The following GRIA4 variants were observed in gnomAD, a reference collection of about 807,000 sequenced individuals.
The protein encoded by GRIA4 is glutamate ionotropic receptor AMPA type subunit 4.
A neutral mutation model predicts 104.0 loss-of-function variants in GRIA4; 34 were observed. The observed-to-expected ratio is 0.33, with a 90% CI of 0.25 to 0.44. GRIA4 has a LOEUF of 0.44. Ranked by LOEUF, GRIA4 falls within the 20% of genes least tolerant of loss-of-function variation. The pLI, the probability that GRIA4 is intolerant of heterozygous loss-of-function variation, is 1.00. For missense variants in GRIA4, 750 were observed against 1,096.5 expected (o/e 0.68, Z 4.46); for synonymous variants, 386 against 381.9 (o/e 1.01, Z -0.13).
At chr11:105,876,013 C>T (rs1229263018) in intron 5 of GRIA4, among the ~76,000 whole-genome samples, 2 of 151,976 alleles carry the variant, frequency 1.3e-5, no homozygotes, top group Non-Finnish European at 2.9e-5. Context: ...GTTAGGGTGT[C>T]GATTTTAGAT....
At chr11:105,746,084 C>G (rs1173711527) in intron 3 of GRIA4, among the ~76,000 whole-genome samples, 1 of 151,782 alleles carries the variant, frequency 6.6e-6, no homozygotes, top group South Asian at 2.1e-4. Context: ...GATACGTTTG[C>G]TACATGTCTA....
At chr11:105,725,201 T>C (rs1321163117) in intron 3 of GRIA4, among the ~76,000 whole-genome samples, 1 of 152,186 alleles carries the variant, frequency 6.6e-6, no homozygotes, top group African/African-American at 2.4e-5. Flanking sequence ...TATTAGCTAT[T>C]TCTCATCATC....
intron 4 of GRIA4, among the ~76,000 whole-genome samples, chr11:105,813,374 C>T (rs1347642356): frequency 6.6e-6 from 1 of 152,072 alleles, no homozygotes; most frequent in Non-Finnish European, 1.5e-5. Context: ...GAAATATTTT[C>T]AGGAATTGAA....
At chr11:105,745,966 C>A (rs73630131) in intron 3 of GRIA4, among the ~76,000 whole-genome samples, 1 of 151,970 alleles carries the variant, frequency 6.6e-6, no homozygotes, top group Non-Finnish European at 1.5e-5. Context: ...ATCCTATTTC[C>A]GTAACTAAAA....
rs1229084631 is a variant in GRIA4, at chr11:105,912,912, C to G, written c.1269+2367C>G. The G allele has an allele frequency of 6.1e-6, 6 of 978,590 alleles. No homozygotes were observed. In the African/African-American group the frequency reaches 1.1e-4, roughly 17 times the overall value. The allele number at this position is 978,590 out of a possible 1,614,324, so 60.6% of individuals were successfully genotyped here. ...AAACTCCCAACACAGATGGAATTGGCTAGACATTTTAATATATGTGATACC... is the reference window on the plus strand; with the variant it reads ...AAACTCCCAACACAGATGGAATTGGGTAGACATTTTAATATATGTGATACC... On this transcript the variant is annotated intron_variant, in intron 10 of 16. Transcript: ENST00000282499.
intron 3 of GRIA4, among the ~76,000 whole-genome samples, chr11:105,700,016 C>T (rs1953427986): frequency 6.6e-6 from 1 of 152,154 alleles, no homozygotes; most frequent in South Asian, 2.1e-4. Context: ...GTGGGGCACT[C>T]AATAAATATT....
Position 105,665,328 on chromosome 11 carries a change from T to C in GRIA4, c.247+52894T>C, listed in dbSNP as rs79675762. 1.8e-3 allele frequency among the ~76,000 whole-genome samples: 270 copies of C among 152,156 alleles called. 1 individual carries two copies. Among genetic ancestry groups the C allele is most frequent in the African/African-American group, 6.2e-3 (258 of 41,542 alleles). Reference sequence around the variant, plus strand: ...AATTACCTTATGAGAAATATACTTTTATTCCCATTTTACGTAAAGAAACTG... The same window carrying C: ...AATTACCTTATGAGAAATATACTTTCATTCCCATTTTACGTAAAGAAACTG... On this transcript the variant is annotated intron_variant, in intron 3 of 16. Transcript: ENST00000282499.
rs1377233542 is a variant in GRIA4, at chr11:105,703,477, TA to T, written c.248-49501del. On this transcript the variant is annotated intron_variant, in intron 3 of 16. Coordinates refer to ENST00000282499, the MANE Select transcript of GRIA4 (RefSeq NM_000829.4). ...GATAGAATTCAAAACTAAAAACCAA[TA>T]AAGAAAAGTGTTCATGAAATCACAT... 2.6e-5 allele frequency among the ~76,000 whole-genome samples: 4 copies of T among 152,056 alleles called. No homozygotes were observed. The East Asian group carries it at 7.7e-4, about 29-fold the overall frequency.
At chr11:105,879,076 T>C (rs146816636) in intron 5 of GRIA4, among the ~76,000 whole-genome samples, 105 of 152,276 alleles carry the variant, frequency 6.9e-4, no homozygotes, top group African/African-American at 2.4e-3. Context: ...GGGAAGAGCG[T>C]AGTATCTGGG....
intron 4 of GRIA4, among the ~76,000 whole-genome samples, chr11:105,762,547 T>C (rs1354470894): frequency 6.6e-6 from 1 of 152,184 alleles, no homozygotes; most frequent in Non-Finnish European, 1.5e-5. Flanking sequence ...TTTGAGGATT[T>C]TTTTGTGTCA....
intron 14 of GRIA4, among the ~76,000 whole-genome samples, chr11:105,941,753 T>C (rs2136225450): frequency 6.6e-6 from 1 of 152,240 alleles, no homozygotes; most frequent in South Asian, 2.1e-4. Context: ...TGAGAGTATA[T>C]AGCCCCCTTT....
intron 4 of GRIA4, among the ~76,000 whole-genome samples, chr11:105,764,296 C>A (rs1291060835): frequency 6.6e-6 from 1 of 152,056 alleles, no homozygotes; most frequent in African/African-American, 2.4e-5. Context: ...ACTACCACGC[C>A]CAGCTAATTT....
intron 3 of GRIA4, among the ~76,000 whole-genome samples, chr11:105,743,505 T>C (rs1207755093): frequency 6.6e-6 from 1 of 152,232 alleles, no homozygotes; most frequent in Non-Finnish European, 1.5e-5. Flanking sequence ...CATATTTATA[T>C]CATCAGACAA....
chr11:105,812,075 A>G (rs1234594275), intron 4 of GRIA4, among the ~76,000 whole-genome samples: 1 of 152,200 alleles, frequency 6.6e-6, no homozygotes, highest in East Asian at 1.9e-4. Context: ...AGGAGAAAAG[A>G]AAACAGACAA....
At chr11:105,724,928 G>A (rs947159594) in intron 3 of GRIA4, among the ~76,000 whole-genome samples, 4 of 152,112 alleles carry the variant, frequency 2.6e-5, no homozygotes, top group Admixed American at 2.6e-4. Context: ...AAATAATGAA[G>A]AGGTTGTCTA....
chr11:105,948,739 G>A (rs186129931), intron 14 of GRIA4, among the ~76,000 whole-genome samples: 1 of 151,476 alleles, frequency 6.6e-6, no homozygotes, highest in Non-Finnish European at 1.5e-5. Flanking sequence ...CTGAGTAGCT[G>A]GGACTACAGG....
chr11:105,839,204 A>G (rs932912604), intron 4 of GRIA4, among the ~76,000 whole-genome samples: 4 of 152,120 alleles, frequency 2.6e-5, no homozygotes, highest in Admixed American at 6.5e-5. Flanking sequence ...TGAGCACTCA[A>G]ATTCCATGTA....
intron 14 of GRIA4, among the ~76,000 whole-genome samples, chr11:105,969,871 G>T (rs1001866721): frequency 1.3e-5 from 2 of 152,086 alleles, no homozygotes; most frequent in African/African-American, 4.8e-5. Context: ...CAGCTACTCT[G>T]GAAAATACCA....
intron 14 of GRIA4, among the ~76,000 whole-genome samples, chr11:105,960,667 C>A (rs1342202943): frequency 6.6e-6 from 1 of 152,350 alleles, no homozygotes; most frequent in Non-Finnish European, 1.5e-5. Flanking sequence ...GCCCCTCCCC[C>A]CGGGAGTTCC....
Sources: allele counts gnomAD v4.1 joint callset (sites outside exome capture counted in the v4.1 genomes callset), GRCh38; gene constraint gnomAD v4.1.1; transcripts MANE v1.5; gene names NCBI Gene and HGNC (gene_info 2026-07-23, HGNC 2026-07-21).